The following NOTCH3 variants were observed in gnomAD, a reference collection of about 807,000 sequenced individuals.
NOTCH3 encodes the protein notch receptor 3.
In NOTCH3, 86 loss-of-function variants were observed where a neutral mutation model predicts 213.3. The observed-to-expected ratio is 0.40, with a 90% CI of 0.34 to 0.48. NOTCH3 has a LOEUF of 0.48. Ranked by LOEUF, NOTCH3 falls within the 20% of genes least tolerant of loss-of-function variation. The probability of loss-of-function intolerance (pLI) is 0.57; values close to 1 mark genes in which losing one functional copy is unlikely to be tolerated. For synonymous variants in NOTCH3, 1,354 were observed against 1,355.9 expected (o/e 1.00, Z 0.03); for missense variants, 2,783 against 3,272.6 (o/e 0.85, Z 3.65).
In NOTCH3 at chr19:15,185,880, C is replaced by G. The variant is rs1368172257; in HGVS notation, c.1952-201G>C. ...CCAGATCATTCTGGTCCCCAAACTT[C>G]CATGAAGTCCCTTTCTTTTTCTTTT... On this transcript the variant is annotated intron_variant, in intron 12 of 32. Transcript: ENST00000263388. The surrounding 1 kb of genome is among the most constrained non-coding windows in gnomAD (Gnocchi z 4.2). Among the ~76,000 whole-genome samples the G allele has an allele frequency of 2.6e-5, 4 of 152,220 alleles. No homozygotes were observed. The highest frequency in any genetic ancestry group is 5.9e-5 in the Non-Finnish European group (4 of 68,010).
intron 2 of NOTCH3, 59 bp downstream of exon 2, chr19:15,197,441 G>GGGGGGCCCC: frequency 5.2e-6 from 4 of 768,362 alleles, no homozygotes; most frequent in Non-Finnish European, 9.1e-6. Flanking sequence ...AAGACAAATC[G>GGGGGGCCCC]CCCCTCCCCC....
At position 15,161,567 on chromosome 19, in the gene NOTCH3, C is replaced by A; in HGVS notation, c.6061G>T (p.Val2021Leu). ...CCACTGGGTTGATCCAGCAAGCGCA[C>A]GATGTCCTGGTGCAGTCTCTCCTGG... is the stretch of plus-strand genomic sequence containing the variant. ...VAQERLHQDI[V>L]RLLDQPSGPR... Residue 2021 changes from valine to leucine, a missense_variant, in exon 33 of 33, where the codon GTG becomes TTG. By Grantham distance (32) the Val-to-Leu change is conservative. Transcript: ENST00000263388. 1 of 1,609,996 alleles carries A rather than the reference C, an allele frequency of 6.2e-7. No homozygotes were observed. Among genetic ancestry groups the A allele is most frequent in the South Asian group, 1.1e-5 (1 of 90,190 alleles).
At chr19:15,166,231 C>A (rs563069233) in intron 29 of NOTCH3, 140 bp from the exon 30 acceptor site, 17 of 742,052 alleles carry the variant, frequency 2.3e-5, no homozygotes, top group African/African-American at 2.1e-4. Flanking sequence ...CACACCCACA[C>A]CCAGAATGAG....
At chr19:15,197,441 G>GGCCCCCCCCCC in intron 2 of NOTCH3, 59 bp downstream of exon 2, 2 of 768,360 alleles carry the variant, frequency 2.6e-6, no homozygotes, top group Non-Finnish European at 2.3e-6. Context: ...AAGACAAATC[G>GGCCCCCCCCCC]CCCCTCCCCC....
In NOTCH3 at chr19:15,167,413, T is replaced by A. The variant is rs1289123341; in HGVS notation, c.5200-2A>T. 4 of 1,603,580 alleles carry A rather than the reference T, an allele frequency of 2.5e-6. No homozygotes were observed. The highest frequency in any genetic ancestry group is 3.4e-6 in the Non-Finnish European group (4 of 1,179,922). On this transcript the variant is annotated splice_acceptor_variant, in intron 28 of 32. Transcript: ENST00000263388. LOFTEE classifies it high-confidence loss of function. ...AGCCCCCATGCCTGGCTCCTCTACC[T>A]GGAGGGGCAGGCACCCTGGATCTCA...
At chr19:15,164,654 G>A (rs2046671481) in intron 31 of NOTCH3, among the ~76,000 whole-genome samples, 2 of 152,086 alleles carry the variant, frequency 1.3e-5, no homozygotes, top group African/African-American at 2.4e-5. Context: ...GTGGCCAGTG[G>A]CTACTATACT....
intron 8 of NOTCH3, among the ~76,000 whole-genome samples, chr19:15,188,595 A>T (rs1288937096): frequency 6.6e-6 from 1 of 151,510 alleles, no homozygotes; most frequent in Non-Finnish European, 1.5e-5. Flanking sequence ...TCCTCTCCCC[A>T]GTCCTCAGAC....
rs1183243223 is a variant in NOTCH3 at position 15,188,293 on chromosome 19, A to G, written c.1434T>C (p.Cys478=). Residue 478 remains cysteine, a synonymous_variant, in exon 9 of 33, where the codon TGT becomes TGC. Coordinates refer to ENST00000263388, the MANE Select transcript of NOTCH3 (RefSeq NM_000435.3). The part of the protein sequence containing the change: ...VDIDECQSSP[C]VNGGVCKDRV... ...GGTCCTTGCAGACCCCACCGTTGACACAGGGGCTACTCTGACACTCGTCAA... is the reference window on the plus strand; with the variant it reads ...GGTCCTTGCAGACCCCACCGTTGACGCAGGGGCTACTCTGACACTCGTCAA... 10 of 1,607,806 alleles carry G rather than the reference A, an allele frequency of 6.2e-6. No individual in the cohort carries two copies. The highest frequency in any genetic ancestry group is 8.5e-6 in the Non-Finnish European group (10 of 1,177,084).
At chr19:15,184,479 G>C in intron 15 of NOTCH3, 29 bp from the exon 16 acceptor site, 5 of 1,612,110 alleles carry the variant, frequency 3.1e-6, no homozygotes, top group Non-Finnish European at 4.2e-6. Context: ...GTTACACCTA[G>C]GGTTACAGGG....
At position 15,185,474 on chromosome 19, in the gene NOTCH3, G is replaced by A; in HGVS notation, c.2144+13C>T. Reference sequence around the variant, plus strand: ...GAGAGGGGGCAGTGTCTGAGGCTGAGAAGGGCCCTCACCCGCCAGGTGCAT... The same window carrying A: ...GAGAGGGGGCAGTGTCTGAGGCTGAAAAGGGCCCTCACCCGCCAGGTGCAT... On this transcript the variant is annotated intron_variant, in intron 13 of 32. Transcript: ENST00000263388. This position sits in a 1 kb window ranked among gnomAD's most constrained non-coding sequence, Gnocchi z 4.2. 6.2e-7 allele frequency: 1 copy of A among 1,612,948 alleles called. No individual in the cohort carries two copies. Among genetic ancestry groups the A allele is most frequent in the Non-Finnish European group, 8.5e-7 (1 of 1,179,524 alleles).
chr19:15,185,070 G>A lies in NOTCH3; in HGVS notation c.2297-51C>T. 1.6e-6 allele frequency: 2 copies of A among 1,266,946 alleles called. No homozygotes were observed. The highest frequency in any genetic ancestry group is 2.2e-6 in the Non-Finnish European group (2 of 910,160). 78.5% of individuals were successfully genotyped at this position (1,266,946 alleles called of 1,614,324 possible). ...CAGAGATAGCCTTGAGGGACTCCCT[G>A]ATCCCATCTCCCCCCACCTCCCCCA... On this transcript the variant is annotated intron_variant, in intron 14 of 32. Coordinates refer to ENST00000263388, the MANE Select transcript of NOTCH3 (RefSeq NM_000435.3). This position sits in a 1 kb window ranked among gnomAD's most constrained non-coding sequence, Gnocchi z 4.2.
At chr19:15,192,829 T>C (rs2046940881) in intron 2 of NOTCH3, among the ~76,000 whole-genome samples, 1 of 151,964 alleles carries the variant, frequency 6.6e-6, no homozygotes, top group South Asian at 2.1e-4. Flanking sequence ...GCAGGAGAAT[T>C]GCTTGAACTC....
In NOTCH3 at chr19:15,160,504, G is replaced by C. The variant is rs1708395029; in HGVS notation, c.*158C>G. The C allele has an allele frequency of 1.4e-6, 1 of 735,590 alleles. No homozygotes were observed. The allele number at this position is 735,590 out of a possible 1,614,324, so 45.6% of individuals were successfully genotyped here. A position where few individuals can be genotyped will look rare whatever the true frequency, so the allele number is the denominator to read the frequency against. ...TAAAGGAAGACTGAAGCCCTGGGCT[G>C]ATGACCTATCTCGGTCACGCTGCAA... On this transcript the variant is annotated 3_prime_UTR_variant, in exon 33 of 33. Coordinates refer to ENST00000263388, the MANE Select transcript of NOTCH3 (RefSeq NM_000435.3).
chr19:15,161,590 T>G lies in NOTCH3; in HGVS notation c.6038A>C (p.Gln2013Pro). 6.2e-7 allele frequency: 1 copy of G among 1,611,882 alleles called. No individual in the cohort carries two copies. The highest frequency in any genetic ancestry group is 8.5e-7 in the Non-Finnish European group (1 of 1,179,202). The part of the protein sequence containing the change: ...HLDRLPRDVA[Q>P]ERLHQDIVRL... Reference sequence around the variant, plus strand: ...CACGATGTCCTGGTGCAGTCTCTCCTGGGCTACGTCCCGCGGCAGCCTGTC... The same window carrying G: ...CACGATGTCCTGGTGCAGTCTCTCCGGGGCTACGTCCCGCGGCAGCCTGTC... Residue 2013 changes from glutamine to proline, a missense_variant, in exon 33 of 33, where the codon CAG becomes CCG. Physicochemically the swap from Gln to Pro is moderately conservative, Grantham distance 76. This residue lies in a region of NOTCH3 where 441 missense variants were observed against 432.1 expected (regional missense o/e 1.02). Transcript: ENST00000263388.
At position 15,177,696 on chromosome 19, in the gene NOTCH3, C is replaced by T. The variant is rs2046803316; in HGVS notation, c.4232G>A (p.Gly1411Asp). ...CAGCGAGCAGTCGCCGCCGTCCCAG[C>T]CGCAGCCTGGGCTGTTGCACTCGCG... ...CDRECNSPGC[G>D]WDGGDCSLSV... The change falls in exon 24 of 33, where the codon GGC becomes GAC. Residue 1411 changes from glycine (G) to aspartate (D), a missense_variant. Physicochemically the swap from Gly to Asp is moderately conservative, Grantham distance 94. Around this residue, in one of 6 missense-constraint regions of NOTCH3, gnomAD observed 133 missense variants for 201.9 expected, o/e 0.66. Coordinates refer to ENST00000263388, the MANE Select transcript of NOTCH3 (RefSeq NM_000435.3). The T allele has an allele frequency of 6.5e-7, 1 of 1,540,266 alleles. No individual in the cohort carries two copies. The highest frequency in any genetic ancestry group is 8.7e-7 in the Non-Finnish European group (1 of 1,150,430).
In NOTCH3 at chr19:15,160,167, C is replaced by T. The variant is rs1440019707; in HGVS notation, c.*495G>A. The T allele has an allele frequency of 4.2e-6, 1 of 239,322 alleles. No individual in the cohort carries two copies. The highest frequency in any genetic ancestry group is 2.2e-5 in the African/African-American group (1 of 45,378). 14.8% of individuals were successfully genotyped at this position (239,322 alleles called of 1,614,324 possible). A position where few individuals can be genotyped will look rare whatever the true frequency, so the allele number is the denominator to read the frequency against. On this transcript the variant is annotated 3_prime_UTR_variant, in exon 33 of 33. Coordinates refer to ENST00000263388, the MANE Select transcript of NOTCH3 (RefSeq NM_000435.3). The stretch of plus-strand genomic sequence containing the variant: ...TGTGTACTAGGTACACAGAATCCAG[C>T]TTGGCCGAATGGGCCCACAGACTCA...
chr19:15,180,979 G>T lies in NOTCH3; in HGVS notation c.2976C>A (p.Phe992Leu), dbSNP rs1325450855. The part of the protein sequence containing the change: ...PGFRCTCLES[F>L]TGPQCQTLVD... ...CACCCACCTGGCACTGCGGGCCCGTGAAGCTCTCGAGGCAGGTGCAGCGGA... is the reference window on the plus strand; with the variant it reads ...CACCCACCTGGCACTGCGGGCCCGTTAAGCTCTCGAGGCAGGTGCAGCGGA... The change falls in exon 18 of 33, where the codon TTC becomes TTA. Residue 992 changes from phenylalanine to leucine, a missense_variant. This residue lies in a region of NOTCH3 where 861 missense variants were observed against 909.1 expected (regional missense o/e 0.95). Transcript: ENST00000263388. The T allele has an allele frequency of 6.3e-7, 1 of 1,595,738 alleles. No homozygotes were observed. The highest frequency in any genetic ancestry group is 8.5e-7 in the Non-Finnish European group (1 of 1,172,058).
In NOTCH3 at chr19:15,185,044, G is replaced by A; in HGVS notation, c.2297-25C>T. 5.1e-6 allele frequency: 7 copies of A among 1,361,192 alleles called. No homozygotes were observed. The highest frequency in any genetic ancestry group is 7.1e-6 in the Non-Finnish European group (7 of 990,252). 84.3% of individuals were successfully genotyped at this position (1,361,192 alleles called of 1,614,324 possible). On this transcript the variant is annotated intron_variant, in intron 14 of 32. Transcript: ENST00000263388. This position sits in a 1 kb window ranked among gnomAD's most constrained non-coding sequence, Gnocchi z 4.2. ...CCTGTTGGGGGTGGAAGAGAGGGAA[G>A]CAGAGATAGCCTTGAGGGACTCCCT...
At chr19:15,167,665 T>C (rs1239897329) in intron 28 of NOTCH3, among the ~76,000 whole-genome samples, 1 of 152,102 alleles carries the variant, frequency 6.6e-6, no homozygotes, top group Admixed American at 6.6e-5. Flanking sequence ...GTGATTCTCC[T>C]GCCTCAGCCT....
Sources: allele counts gnomAD v4.1 joint callset (sites outside exome capture counted in the v4.1 genomes callset), GRCh38; gene constraint gnomAD v4.1.1; regional missense constraint gnomAD v4.1.1; non-coding constraint Gnocchi (gnomAD v3.1); transcripts MANE v1.5; gene names NCBI Gene and HGNC (gene_info 2026-07-23, HGNC 2026-07-21).